The following ALOXE3 variants were observed in gnomAD, a reference collection of about 807,000 sequenced individuals.
The protein encoded by ALOXE3 is arachidonate epidermal lipoxygenase 3.
ALOXE3 carries 78 observed loss-of-function variants against 87.5 expected under a neutral mutation model. The observed-to-expected ratio is 0.89, with a 90% CI of 0.74 to 1.08. The LOEUF is 1.08. Among genes scored for constraint, ALOXE3 ranks in the 50% least tolerant of loss-of-function variants. The probability of loss-of-function intolerance (pLI) is 0.00; values close to 1 mark genes in which losing one functional copy is unlikely to be tolerated. For missense variants in ALOXE3, 946 were observed against 912.4 expected, an observed-to-expected ratio of 1.04 and a Z score of -0.47; for synonymous variants, 363 against 370.8, an observed-to-expected ratio of 0.98 and a Z score of 0.24.
At chr17:8,109,118 A>G (rs1486561369) in intron 12 of ALOXE3, 56 bp downstream of exon 12, 17 of 1,604,298 alleles carry the variant, frequency 1.1e-5, no homozygotes, top group East Asian at 6.7e-5. Flanking sequence ...AGGGACCACA[A>G]TGTCCCAGGC....
At position 8,102,388 on chromosome 17, in the gene ALOXE3, G is replaced by A. The variant is rs138182399; in HGVS notation, c.1956+935C>T. 6.8e-3 allele frequency among the ~76,000 whole-genome samples: 1,042 copies of A among 152,242 alleles called. 12 individuals carry two copies. Among genetic ancestry groups the A allele is most frequent in the African/African-American group, 0.023 (963 of 41,532 alleles). On this transcript the variant is annotated intron_variant, in intron 15 of 15. Coordinates refer to ENST00000448843, the MANE Select transcript of ALOXE3 (RefSeq NM_021628.3). ...GGTGCCTGTAATCCCAGCTACTCGGGAGGCTGAGGCAGGAGAATCGCTTAA... is the reference window on the plus strand; with the variant it reads ...GGTGCCTGTAATCCCAGCTACTCGGAAGGCTGAGGCAGGAGAATCGCTTAA...
rs1567996770 is a variant in ALOXE3 at position 8,107,967 on chromosome 17, AGAGAGAGAGAGAG to A, written c.1684+488_1684+500del. On this transcript the variant is annotated intron_variant, in intron 13 of 15. Coordinates refer to ENST00000448843, the MANE Select transcript of ALOXE3 (RefSeq NM_021628.3). ...AAAGAAAGAAAGAAAGAAAGGAAGGAGAGAGAGAGAGAGAGAAAGAAAGAAAGGAAGGAAAGAA... is the reference window on the plus strand; with the variant it reads ...AAAGAAAGAAAGAAAGAAAGGAAGGAAGAAAGAAAGAAAGGAAGGAAAGAA... 1.9e-4 allele frequency among the ~76,000 whole-genome samples: 3 copies of A among 15,942 alleles called. 1 individual carries two copies. The highest frequency in any genetic ancestry group is 3.0e-4 in the Non-Finnish European group (2 of 6,700). 10.5% of individuals were successfully genotyped at this position (15,942 alleles called of 152,430 possible). A position where few individuals can be genotyped will look rare whatever the true frequency, so the allele number is the denominator to read the frequency against.
At chr17:8,102,213 G>A (rs1001584059) in intron 15 of ALOXE3, among the ~76,000 whole-genome samples, 8 of 152,090 alleles carry the variant, frequency 5.3e-5, no homozygotes, top group African/African-American at 1.7e-4. Context: ...CTTGATTGGC[G>A]GCCGTGCGCG....
Position 8,116,877 on chromosome 17 carries a change from C to CAGT in ALOXE3, c.248_250dup (p.Tyr83dup), listed in dbSNP as rs755503988. 1.2e-6 allele frequency: 2 copies of CAGT among 1,614,240 alleles called. No individual in the cohort carries two copies. The highest frequency in any genetic ancestry group is 1.7e-6 in the Non-Finnish European group (2 of 1,180,030). ...CGGTTCGGTGACACAGATGCGGCTACAGTACCAAGAGTCCTTGCGGAAGAA... is the reference window on the plus strand; with the variant it reads ...CGGTTCGGTGACACAGATGCGGCTACAGTAGTACCAAGAGTCCTTGCGGAAGAA... On this transcript the variant is annotated inframe_insertion, in exon 3 of 16. Coordinates refer to ENST00000448843, the MANE Select transcript of ALOXE3 (RefSeq NM_021628.3).
Position 8,104,205 on chromosome 17 carries a change from G to T in ALOXE3, c.1695C>A (p.Ser565Arg), listed in dbSNP as rs760616291. The T allele has an allele frequency of 1.9e-6, 3 of 1,613,826 alleles. No homozygotes were observed. The South Asian group carries it at 3.3e-5, about 18-fold the overall frequency. Residue 565 changes from serine (S) to arginine (R), a missense_variant, in exon 14 of 16, where the codon AGC becomes AGA. By Grantham distance (110) the Ser-to-Arg change is moderately radical. Transcript: ENST00000448843. ...CCATCTCTCCTGGGGTGCACAGCCGGCTTGGGAAACCTGGGTGTGGGGAGG... is the reference window on the plus strand; with the variant it reads ...CCATCTCTCCTGGGGTGCACAGCCGTCTTGGGAAACCTGGGTGTGGGGAGG... The part of the protein sequence containing the change: ...FLGRESSGFP[S>R]RLCTPGEMVK...
intron 4 of ALOXE3, 39 bp downstream of exon 4, chr17:8,115,568 A>C: frequency 6.4e-7 from 1 of 1,561,862 alleles, no homozygotes; most frequent in South Asian, 1.1e-5. Context: ...TGAGGTCAGG[A>C]TAAAGATGGG....
intron 13 of ALOXE3, 139 bp downstream of exon 13, chr17:8,108,329 C>G: frequency 7.3e-7 from 1 of 1,361,384 alleles, no homozygotes; most frequent in Non-Finnish European, 9.9e-7. Flanking sequence ...CTTTGTGCCT[C>G]TTTCCATATC....
At position 8,107,962 on chromosome 17, in the gene ALOXE3, G is replaced by A. The variant is rs200816508; in HGVS notation, c.1684+506C>T. ...GAAAGAAAGAAAGAAAGAAAGAAAG[G>A]AAGGAGAGAGAGAGAGAGAGAAAGA... On this transcript the variant is annotated intron_variant, in intron 13 of 15. Coordinates refer to ENST00000448843, the MANE Select transcript of ALOXE3 (RefSeq NM_021628.3). Among the ~76,000 whole-genome samples, 16 of 5,882 alleles carry A rather than the reference G, an allele frequency of 2.7e-3. 6 individuals are homozygous for A. Among genetic ancestry groups the A allele is most frequent in the East Asian group, 0.015 (12 of 814 alleles). 3.9% of individuals were successfully genotyped at this position (5,882 alleles called of 152,430 possible).
intron 13 of ALOXE3, 39 bp from the exon 14 acceptor site, chr17:8,104,254 G>C: frequency 2.0e-6 from 3 of 1,520,876 alleles, no homozygotes; most frequent in Non-Finnish European, 2.7e-6. Flanking sequence ...GTGGATGGAA[G>C]GTACTGGATT....
At chr17:8,105,053 C>T (rs374995368) in intron 13 of ALOXE3, among the ~76,000 whole-genome samples, 1 of 152,200 alleles carries the variant, frequency 6.6e-6, no homozygotes, top group South Asian at 2.1e-4. Flanking sequence ...AGCATCTACA[C>T]CACCTCACAC....
intron 5 of ALOXE3, 85 bp downstream of exon 5, chr17:8,114,853 T>C (rs1980443722): frequency 6.3e-7 from 1 of 1,588,618 alleles, no homozygotes; most frequent in African/African-American, 1.3e-5. Flanking sequence ...CCCCTACCCC[T>C]CCTTCCTGGC....
rs370255539 is a variant in ALOXE3 at position 8,109,970 on chromosome 17, C to T, written c.1338G>A (p.Gln446=). The T allele has an allele frequency of 2.7e-5, 42 of 1,552,068 alleles. No individual in the cohort carries two copies. The African/African-American group carries it at 4.2e-4, about 16-fold the overall frequency. The stretch of plus-strand genomic sequence containing the variant: ...GCGTGGCCCTCGCGATGGTGTTCAC[C>T]TGCAGCGTGTATCGAGTGTGGGGGA... The part of the protein sequence containing the change: ...LLLPHTRYTL[Q]VNTIARATLL... Residue 446 remains glutamine, a synonymous_variant, in exon 11 of 16, where the codon CAG becomes CAA. Transcript: ENST00000448843.
intron 8 of ALOXE3, among the ~76,000 whole-genome samples, chr17:8,110,733 T>G (rs1210882296): frequency 1.3e-5 from 2 of 152,334 alleles, no homozygotes; most frequent in Middle Eastern, 3.4e-3. Context: ...TCCCTCCTTG[T>G]GCAACAGCTC....
upstream of ALOXE3, chr17:8,118,694 A>C (rs1980832762): frequency 1.3e-6 from 2 of 1,537,196 alleles, no homozygotes; most frequent in African/African-American, 1.4e-5. Context: ...GGCACGCCCG[A>C]CCTCATTCTC....
Position 8,109,184 on chromosome 17 carries a change from C to T in ALOXE3, c.1552G>A (p.Ala518Thr), listed in dbSNP as rs1401955521. 1 of 1,613,522 alleles carries T rather than the reference C, an allele frequency of 6.2e-7. No homozygotes were observed. The highest frequency in any genetic ancestry group is 8.5e-7 in the Non-Finnish European group (1 of 1,180,030). The change falls in exon 12 of 16, where the codon GCC becomes ACC. Residue 518 changes from alanine to threonine, a missense_variant. By Grantham distance (58) the Ala-to-Thr change is moderately conservative. Transcript: ENST00000448843. ...CCCCGCACCTCGCACCTCTCAATGG[C>T]CGCCCAGATCTTCAGGCCGTCGTCT... ...YRDDGLKIWA[A>T]IESFVSEIVG...
chr17:8,115,818 C>A (rs1260486581), intron 3 of ALOXE3, 130 bp from the exon 4 acceptor site: 3 of 854,760 alleles, frequency 3.5e-6, no homozygotes, highest in South Asian at 2.8e-5. Flanking sequence ...GTGGCGGTGC[C>A]CCCACGTTCT....
chr17:8,107,246 G>C (rs1441346735), intron 13 of ALOXE3, among the ~76,000 whole-genome samples: 1 of 152,238 alleles, frequency 6.6e-6, no homozygotes, highest in African/African-American at 2.4e-5. Flanking sequence ...GCCGGGTGCG[G>C]TGGCTCACAC....
chr17:8,110,363 G>C, intron 9 of ALOXE3, 22 bp downstream of exon 9: 1 of 1,604,666 alleles, frequency 6.2e-7, no homozygotes, highest in South Asian at 1.1e-5. Flanking sequence ...CCCCCATCCC[G>C]GGGCGGCGGC....
chr17:8,107,839 A>G (rs565575614), intron 13 of ALOXE3, among the ~76,000 whole-genome samples: 304 of 3,858 alleles, frequency 0.079, 4 homozygotes, highest in Middle Eastern at 0.33. Flanking sequence ...GAAAGAAAGA[A>G]AGAAAGAAAG....
Sources: allele counts gnomAD v4.1 joint callset (sites outside exome capture counted in the v4.1 genomes callset), GRCh38; gene constraint gnomAD v4.1.1; transcripts MANE v1.5; gene names NCBI Gene and HGNC (gene_info 2026-07-23, HGNC 2026-07-21).